The following ACACA variants were observed in gnomAD, a reference collection of about 807,000 sequenced individuals.
ACACA encodes the protein acetyl-CoA carboxylase alpha, also known as acetyl-CoA carboxylase 1.
Under a neutral mutation model 296.1 loss-of-function variants are expected in ACACA, and 103 were observed. The ratio of observed to expected loss-of-function variants is 0.35; its 90% CI spans 0.30 to 0.41. ACACA has a LOEUF of 0.41. Among genes scored for constraint, ACACA ranks in the 10% least tolerant of loss-of-function variants. The pLI is 1.00. For synonymous variants in ACACA, 953 were observed against 1,038.6 expected, an observed-to-expected ratio of 0.92 and a Z score of 1.58; for missense variants, 1,554 against 2,989.7, an observed-to-expected ratio of 0.52 and a Z score of 11.20.
intron 9 of ACACA, among the ~76,000 whole-genome samples, chr17:37,272,598 T>C (rs560300218): frequency 6.6e-6 from 1 of 152,082 alleles, no homozygotes; most frequent in South Asian, 2.1e-4. Context: ...AGGAGGTCAG[T>C]AAGTAAGAAG....
At chr17:37,262,681 T>C (rs1183179253) in intron 11 of ACACA, among the ~76,000 whole-genome samples, 1 of 152,128 alleles carries the variant, frequency 6.6e-6, no homozygotes, top group Non-Finnish European at 1.5e-5. Flanking sequence ...TGAACTATGA[T>C]GAAAGAGAAA....
intron 25 of ACACA, among the ~76,000 whole-genome samples, chr17:37,234,373 T>A (rs1452045110): frequency 6.6e-6 from 1 of 152,198 alleles, no homozygotes. Context: ...TTAGCTCTCA[T>A]CAAACTTACC....
At chr17:37,265,517 TAAG>T (rs1301850795) in intron 10 of ACACA, among the ~76,000 whole-genome samples, 1 of 152,144 alleles carries the variant, frequency 6.6e-6, no homozygotes, top group African/African-American at 2.4e-5. Flanking sequence ...ACCTGGGAAC[TAAG>T]AAGACAAGTT....
At chr17:37,092,826 C>T (rs886803158) in intron 54 of ACACA, among the ~76,000 whole-genome samples, 1 of 152,194 alleles carries the variant, frequency 6.6e-6, no homozygotes, top group Non-Finnish European at 1.5e-5. Flanking sequence ...GGATGGCATA[C>T]AAATCCTAAG....
chr17:37,252,570 T>C (rs778751017), intron 15 of ACACA, among the ~76,000 whole-genome samples: 4 of 152,214 alleles, frequency 2.6e-5, no homozygotes, highest in Non-Finnish European at 5.9e-5. Context: ...GAGGCCTCTC[T>C]CTTCAGCATC....
At chr17:37,225,490 C>A in intron 26 of ACACA, 1 of 228,434 alleles carries the variant, frequency 4.4e-6, no homozygotes, top group Non-Finnish European at 8.7e-6. Context: ...AAGGTAGATG[C>A]AGCAGAGCTA....
At position 37,113,225 on chromosome 17, in the gene ACACA, C is replaced by T. The variant is rs1489414368; in HGVS notation, c.6315G>A (p.Val2105=). The T allele has an allele frequency of 1.2e-6, 2 of 1,614,190 alleles. No homozygotes were observed. Among genetic ancestry groups the T allele is most frequent in the South Asian group, 1.1e-5 (1 of 91,084 alleles). Residue 2105 remains valine (V), a synonymous_variant, in exon 51 of 56, where the codon GTG becomes GTA. Transcript: ENST00000616317. The surrounding 1 kb of genome is among the most constrained non-coding windows in gnomAD (Gnocchi z 4.0). The part of the protein sequence containing the change: ...DQVLKFGAYI[V]DGLRECCQPV... ...GCTGGCAGCACTCCCTCAAGCCATC[C>T]ACAATGTAAGCACCAAACTTCAGCA... is the stretch of plus-strand genomic sequence containing the variant.
intron 44 of ACACA, among the ~76,000 whole-genome samples, chr17:37,150,882 G>C (rs1020343243): frequency 6.6e-6 from 1 of 151,556 alleles, no homozygotes; most frequent in Non-Finnish European, 1.5e-5. Context: ...TGAAACCCCG[G>C]CTCTATTAAA....
At chr17:37,193,294 G>A (rs909028106) in intron 36 of ACACA, 80 bp downstream of exon 36, 17 of 1,058,624 alleles carry the variant, frequency 1.6e-5, no homozygotes, top group Middle Eastern at 2.0e-4. Context: ...CAAGAAGAAC[G>A]TATGGCAAAG....
Position 37,122,532 on chromosome 17 carries a change from T to G in ACACA, c.6137A>C (p.Lys2046Thr). The change falls in exon 49 of 56, where the codon AAG (lysine) becomes ACG (threonine). Residue 2046 changes from lysine (K) to threonine (T), a missense_variant and splice_region_variant. Lys to Thr is a moderately conservative substitution (Grantham distance 78, BLOSUM62 -1). Transcript: ENST00000616317. Reference protein sequence around the residue: ...ADPANLDSEAKIIQQAGQVWF... With the variant: ...ADPANLDSEATIIQQAGQVWF... ...CCCAGTGTACTTGAGGTGGCCTACC[T>G]TGGCTTCAGAATCCAGGTTTGCTGG... The G allele has an allele frequency of 6.2e-7, 1 of 1,614,134 alleles. No homozygotes were observed.
chr17:37,263,930 T>G (rs781626255), intron 10 of ACACA, 36 bp from the exon 11 acceptor site: 12 of 1,573,308 alleles, frequency 7.6e-6, no homozygotes, highest in Middle Eastern at 1.7e-4. Flanking sequence ...AAACCAATTC[T>G]TAAATTTTAA....
chr17:37,348,736 C>T (rs926509132), intron 1 of ACACA, among the ~76,000 whole-genome samples: 9 of 151,656 alleles, frequency 5.9e-5, no homozygotes, highest in Non-Finnish European at 8.8e-5. Context: ...CAGAGACGGG[C>T]GGATCACGAG....
chr17:37,132,718 T>C (rs1193096054), intron 45 of ACACA, among the ~76,000 whole-genome samples: 2 of 152,166 alleles, frequency 1.3e-5, no homozygotes, highest in Non-Finnish European at 2.9e-5. Context: ...GTCCAACCAC[T>C]TAGAATCTTA....
intron 54 of ACACA, among the ~76,000 whole-genome samples, chr17:37,089,336 ACT>A (rs1486184356): frequency 2.6e-5 from 4 of 152,106 alleles, no homozygotes; most frequent in African/African-American, 7.2e-5. Flanking sequence ...TCATACCCTG[ACT>A]CTGTCCTGTC....
chr17:37,349,580 A>G (rs1378439206), intron 1 of ACACA, among the ~76,000 whole-genome samples: 23 of 140,230 alleles, frequency 1.6e-4, no homozygotes, highest in African/African-American at 5.2e-4. Context: ...TTTTTGAGAC[A>G]GAGTCTCGCT....
chr17:37,290,258 A>G (rs2082983041), intron 3 of ACACA, among the ~76,000 whole-genome samples: 1 of 152,198 alleles, frequency 6.6e-6, no homozygotes, highest in East Asian at 1.9e-4. Context: ...CATGTTGGCC[A>G]GGCTGGTCTC....
At chr17:37,342,458 TACAC>T (rs1212506277) in intron 1 of ACACA, among the ~76,000 whole-genome samples, 1 of 98,378 alleles carries the variant, frequency 1.0e-5, no homozygotes, top group Non-Finnish European at 1.9e-5. Flanking sequence ...TATATATATA[TACAC>T]ACACACACAC....
At chr17:37,332,217 AT>A (rs1190421058) in intron 2 of ACACA, among the ~76,000 whole-genome samples, 1 of 151,406 alleles carries the variant, frequency 6.6e-6, no homozygotes, top group Non-Finnish European at 1.5e-5. Flanking sequence ...TAAAAGTATA[AT>A]TTAAAAAAAA....
chr17:37,186,970 C>A (rs1474378699), intron 39 of ACACA, among the ~76,000 whole-genome samples: 2 of 151,798 alleles, frequency 1.3e-5, no homozygotes, highest in Admixed American at 6.6e-5. Context: ...CTCAAGTGGC[C>A]ATCTTACTTT....
Sources: allele counts gnomAD v4.1 joint callset (sites outside exome capture counted in the v4.1 genomes callset), GRCh38; gene constraint gnomAD v4.1.1; non-coding constraint Gnocchi (gnomAD v3.1); transcripts MANE v1.5; gene names NCBI Gene and HGNC (gene_info 2026-07-23, HGNC 2026-07-21).